ERAP1: variants seen among roughly 807,000 people sequenced by gnomAD.
The protein encoded by ERAP1 is adipocyte-derived leucine aminopeptidase.
In ERAP1, 86 loss-of-function variants were observed where a neutral mutation model predicts 103.7. The observed-to-expected ratio is 0.83, with a 90% CI of 0.70 to 0.99. The LOEUF (loss-of-function observed/expected upper bound fraction) is 0.99, where lower values mean the gene tolerates loss of function less well. Ranked by LOEUF, ERAP1 falls within the 50% of genes least tolerant of loss-of-function variation. ERAP1 has a pLI of 0.00. For synonymous variants in ERAP1, 398 were observed against 402.4 expected, an observed-to-expected ratio of 0.99 and a Z score of 0.13; for missense variants, 1,009 against 1,128.4, an observed-to-expected ratio of 0.89 and a Z score of 1.52.
At chr5:96,895,300 G>A in the ERAP1 span, 11 of 1,612,858 alleles carry the variant, frequency 6.8e-6, no homozygotes, top group Non-Finnish European at 9.3e-6. Context: ...GCTTAAGGAG[G>A]GTTTTGCAAA....
chr5:96,855,605 G>C, the ERAP1 span, among the ~76,000 whole-genome samples: 1 of 152,136 alleles, frequency 6.6e-6, no homozygotes, highest in South Asian at 2.1e-4. Flanking sequence ...CAGAAACCAG[G>C]AACTTTGCTC....
the ERAP1 span, among the ~76,000 whole-genome samples, chr5:96,852,320 C>T: frequency 6.6e-6 from 1 of 152,172 alleles, no homozygotes; most frequent in East Asian, 1.9e-4. Context: ...GTGTCTCCAA[C>T]CTCTCCCATC....
chr5:96,793,340 C>T, intron 7 of ERAP1, 60 bp downstream of exon 7: 1 of 1,130,940 alleles, frequency 8.8e-7, no homozygotes, highest in Non-Finnish European at 1.3e-6. Flanking sequence ...GAATATTTTC[C>T]AGCAATATTG....
chr5:96,896,342 A>T, the ERAP1 span: 1 of 1,575,458 alleles, frequency 6.3e-7, no homozygotes, highest in East Asian at 2.2e-5. Flanking sequence ...TCAAATAGAA[A>T]CTAAAACTAA....
intron 8 of ERAP1, among the ~76,000 whole-genome samples, chr5:96,791,093 G>T (rs1776684704): frequency 6.6e-6 from 1 of 152,210 alleles, no homozygotes. Context: ...AAGGAAAAGT[G>T]GATATGTCCA....
the ERAP1 span, among the ~76,000 whole-genome samples, chr5:96,843,449 T>C: frequency 6.6e-6 from 1 of 152,210 alleles, no homozygotes; most frequent in African/African-American, 2.4e-5. Flanking sequence ...ACTTGGCCCA[T>C]GACCAGCCTG....
At chr5:96,797,353 A>C (rs776051680) in intron 3 of ERAP1, 44 bp from the exon 4 acceptor site, 7 of 1,593,706 alleles carry the variant, frequency 4.4e-6, no homozygotes, top group East Asian at 2.2e-5. Context: ...CCAATTATCC[A>C]ATACAGTGAA....
At chr5:96,875,420 C>G in the ERAP1 span, among the ~76,000 whole-genome samples, 4 of 151,438 alleles carry the variant, frequency 2.6e-5, no homozygotes, top group African/African-American at 9.7e-5. Flanking sequence ...CCTGTAGCCC[C>G]AGCTACTTGG....
intron 15 of ERAP1, among the ~76,000 whole-genome samples, chr5:96,782,426 T>C (rs1334876477): frequency 6.6e-6 from 1 of 152,228 alleles, no homozygotes; most frequent in East Asian, 1.9e-4. Context: ...AATACTTTAA[T>C]GATGCTGGGT....
At chr5:96,879,621 T>G in the ERAP1 span, 3 of 1,335,372 alleles carry the variant, frequency 2.2e-6, no homozygotes, top group Non-Finnish European at 1.1e-6. Context: ...CTGGAGCCAG[T>G]GCAGTGCCAT....
chr5:96,880,581 A>C, the ERAP1 span, among the ~76,000 whole-genome samples: 1 of 152,238 alleles, frequency 6.6e-6, no homozygotes, highest in Non-Finnish European at 1.5e-5. Context: ...TCTCAAAGGA[A>C]GTGAGTCTTC....
the ERAP1 span, among the ~76,000 whole-genome samples, chr5:96,825,713 T>G: frequency 6.6e-6 from 1 of 152,250 alleles, no homozygotes; most frequent in African/African-American, 2.4e-5. Context: ...TTTTAGCTAT[T>G]GTTCCTTCTA....
chr5:96,859,339 T>C, the ERAP1 span, among the ~76,000 whole-genome samples: 7,390 of 152,114 alleles, frequency 0.049, 222 homozygotes, highest in South Asian at 0.11. Flanking sequence ...CACATTCACC[T>C]TCGTGTTCCC....
chr5:96,899,194 C>T, the ERAP1 span, among the ~76,000 whole-genome samples: 1 of 151,550 alleles, frequency 6.6e-6, no homozygotes, highest in Admixed American at 6.6e-5. Context: ...TGCCCAAAGT[C>T]ACCAAGTCAG....
At chr5:96,853,725 C>G in the ERAP1 span, among the ~76,000 whole-genome samples, 2 of 151,790 alleles carry the variant, frequency 1.3e-5, no homozygotes, top group Non-Finnish European at 2.9e-5. Context: ...TCACAGTGAA[C>G]TGTGGCTTTG....
At chr5:96,935,486 A>G in the ERAP1 span, 15 of 152,794 alleles carry the variant, frequency 9.8e-5, no homozygotes, top group African/African-American at 3.6e-4. Context: ...CTCCCCAGGG[A>G]AACCAGCGAT....
intron 5 of ERAP1, among the ~76,000 whole-genome samples, 177 bp from the exon 6 acceptor site, chr5:96,794,134 G>A (rs568945975): frequency 7.2e-6 from 1 of 138,016 alleles, no homozygotes; most frequent in East Asian, 2.2e-4. Context: ...GCATCACTTT[G>A]CTATAAATGT....
rs1358497911 is a variant in ERAP1 at position 96,788,532 on chromosome 5, C to G, written c.1678G>C (p.Gly560Arg). The change falls in exon 11 of 19, where the codon GGG (glycine) becomes CGG (arginine). Residue 560 changes from glycine to arginine, a missense_variant and splice_region_variant. Coordinates refer to ENST00000443439, the MANE Select transcript of ERAP1 (RefSeq NM_001040458.3). ...CAAATTTTACTCTAGGAGCATTACC[C>G]AGTGTCCGGGGCGCCGTCAGAGCCC... ...MKGSDGAPDT[G>R]YLWHVPLTFI... The G allele has an allele frequency of 6.2e-7, 1 of 1,614,130 alleles. No individual in the cohort carries two copies. The highest frequency in any genetic ancestry group is 1.3e-5 in the African/African-American group (1 of 75,038).
At chr5:96,895,391 T>C in the ERAP1 span, 10 of 1,357,238 alleles carry the variant, frequency 7.4e-6, no homozygotes, top group Admixed American at 3.5e-5. Flanking sequence ...TCATACTATA[T>C]GGTGTAAAGA....
Sources: allele counts gnomAD v4.1 joint callset (sites outside exome capture counted in the v4.1 genomes callset), GRCh38; gene constraint gnomAD v4.1.1; transcripts MANE v1.5; gene names NCBI Gene and HGNC (gene_info 2026-07-23, HGNC 2026-07-21).